Variants in SYNE2 observed in about 807,000 individuals in gnomAD.
SYNE2 encodes the protein nesprin-2.
Under a neutral mutation model 856.3 loss-of-function variants are expected in SYNE2, and 431 were observed. The ratio of observed to expected loss-of-function variants is 0.50; its 90% confidence interval spans 0.47 to 0.55. The LOEUF (loss-of-function observed/expected upper bound fraction) is 0.55, where lower values mean the gene tolerates loss of function less well. SYNE2 is among the 20% of genes least tolerant of loss of function. SYNE2 has a pLI of 0.00. For missense variants in SYNE2, 8,129 were observed against 8,023.2 expected (o/e 1.01, Z -0.50); for synonymous variants, 2,923 against 2,872.3 (o/e 1.02, Z -0.56).
chr14:64,014,928 CTTATATATATATAT>C (rs1307499762), intron 32 of SYNE2, among the ~76,000 whole-genome samples: 1 of 51,868 alleles, frequency 1.9e-5, no homozygotes, highest in East Asian at 6.0e-4. Flanking sequence ...TGTATAATTC[CTTATATATATATAT>C]ATATATATAT....
intron 11 of SYNE2, among the ~76,000 whole-genome samples, chr14:63,968,946 A>AT (rs1005927961): frequency 5.9e-5 from 9 of 151,952 alleles, no homozygotes; most frequent in Admixed American, 5.9e-4. Context: ...TGTTCTTTCT[A>AT]TTTTTTTGTA....
rs2097198733 is a variant in SYNE2 at position 64,048,034 on chromosome 14, T to C, written c.7256T>C (p.Leu2419Pro). 6.2e-7 allele frequency: 1 copy of C among 1,613,844 alleles called. No individual in the cohort carries two copies. Among genetic ancestry groups the C allele is most frequent in the Non-Finnish European group, 8.5e-7 (1 of 1,179,856 alleles). Reference protein sequence around the residue: ...SAVEMAMSKQLSLNAQESMKN... With the variant: ...SAVEMAMSKQPSLNAQESMKN... Reference sequence around the variant, plus strand: ...GTGGAAATGGCTATGTCAAAACAACTTTCTCTTAATGCTCAAGAAAGCATG... The same window carrying C: ...GTGGAAATGGCTATGTCAAAACAACCTTCTCTTAATGCTCAAGAAAGCATG... The change falls in exon 46 of 116, where the codon CTT becomes CCT. Residue 2419 changes from leucine (L) to proline (P), a missense_variant. Transcript: ENST00000555002.
At chr14:64,033,867 T>C (rs1263147079) in intron 45 of SYNE2, among the ~76,000 whole-genome samples, 1 of 152,184 alleles carries the variant, frequency 6.6e-6, no homozygotes, top group Admixed American at 6.5e-5. Context: ...TTTCATAAGT[T>C]TGGATACAGA....
intron 84 of SYNE2, among the ~76,000 whole-genome samples, chr14:64,151,309 A>G (rs1238962196): frequency 3.3e-5 from 5 of 151,902 alleles, no homozygotes; most frequent in African/African-American, 9.7e-5. Context: ...GGCTAGCACA[A>G]GGGAGCTTGT....
chr14:63,964,506 ATTTTATTTTTATTTTTAT>A (rs567876488), intron 10 of SYNE2, among the ~76,000 whole-genome samples: 9 of 151,954 alleles, frequency 5.9e-5, no homozygotes, highest in Admixed American at 2.0e-4. Flanking sequence ...CATGCTTTTT[ATTTTATTTTTATTTTTAT>A]TTTTATTTTT....
intron 34 of SYNE2, 74 bp downstream of exon 34, chr14:64,017,830 A>C: frequency 1.4e-6 from 2 of 1,452,002 alleles, no homozygotes; most frequent in Non-Finnish European, 9.6e-7. Flanking sequence ...AATATAGTCA[A>C]CAAACATTAG....
chr14:63,813,279 G>T (rs1005064042), intron 1 of SYNE2, among the ~76,000 whole-genome samples: 1 of 152,232 alleles, frequency 6.6e-6, no homozygotes, highest in African/African-American at 2.4e-5. Flanking sequence ...TGGCAGAAAT[G>T]AGAGTGAATG....
chr14:64,189,272 T>C (rs1293461008), intron 98 of SYNE2, among the ~76,000 whole-genome samples: 1 of 151,334 alleles, frequency 6.6e-6, no homozygotes, highest in East Asian at 1.9e-4. Context: ...AGGTGGAGGT[T>C]GCAGTGAGCC....
intron 63 of SYNE2, 184 bp downstream of exon 63, chr14:64,099,005 G>A (rs932819327): frequency 4.8e-6 from 3 of 624,832 alleles, no homozygotes; most frequent in Non-Finnish European, 8.5e-6. Context: ...CTACTTCACT[G>A]TGTAAGAGTG....
chr14:63,973,735 C>T (rs1476692891), intron 11 of SYNE2, among the ~76,000 whole-genome samples: 2 of 149,524 alleles, frequency 1.3e-5, no homozygotes. Flanking sequence ...AATGGAAAAA[C>T]TGTAACATCT....
intron 34 of SYNE2, among the ~76,000 whole-genome samples, chr14:64,018,265 A>G (rs112546906): frequency 0.035 from 5,351 of 152,108 alleles, 329 homozygotes; most frequent in African/African-American, 0.12. Flanking sequence ...TTTGAGGCAG[A>G]GTCTCGTTCT....
At chr14:64,048,896 G>A (rs1303134881) in intron 46 of SYNE2, 3 of 128,732 alleles carry the variant, frequency 2.3e-5, no homozygotes, top group South Asian at 5.5e-4. Flanking sequence ...ATGATGGAGC[G>A]AGATCCTGTC....
rs150468445 is a variant in SYNE2 at position 64,163,431 on chromosome 14, A to G, written c.16329A>G (p.Lys5443=). 1 of 1,614,054 alleles carries G rather than the reference A, an allele frequency of 6.2e-7. No individual in the cohort carries two copies. Among genetic ancestry groups the G allele is most frequent in the African/African-American group, 1.3e-5 (1 of 75,048 alleles). The change falls in exon 89 of 116, where the codon AAA becomes AAG. Residue 5443 remains lysine (K), a synonymous_variant. Coordinates refer to ENST00000555002, the MANE Select transcript of SYNE2 (RefSeq NM_182914.3). ...KELQHDVQKT[K]EAFLQNSSVL... ...TGCAGCATGATGTGCAGAAAACAAAAGAAGCCTTTCTCCAAAATTCCAGTG... is the reference window on the plus strand; with the variant it reads ...TGCAGCATGATGTGCAGAAAACAAAGGAAGCCTTTCTCCAAAATTCCAGTG...
At chr14:64,121,108 A>C (rs1045026586) in intron 68 of SYNE2, 47 bp downstream of exon 68, 2 of 1,612,150 alleles carry the variant, frequency 1.2e-6, no homozygotes, top group African/African-American at 2.7e-5. Flanking sequence ...ATAACTTTTT[A>C]ACCAGGCAAG....
chr14:64,177,563 T>C, intron 96 of SYNE2, 80 bp downstream of exon 96: 1 of 1,576,024 alleles, frequency 6.3e-7, no homozygotes, highest in South Asian at 1.1e-5. Context: ...TGCCTCTTTC[T>C]GTATTGAAAC....
intron 78 of SYNE2, among the ~76,000 whole-genome samples, chr14:64,136,037 C>A (rs2153685960): frequency 1.3e-5 from 2 of 152,202 alleles, no homozygotes; most frequent in South Asian, 4.1e-4. Context: ...TGCCTGTAAT[C>A]CTAGCACCTT....
chr14:63,825,454 G>GA (rs201662345), intron 1 of SYNE2, among the ~76,000 whole-genome samples: 2,090 of 151,988 alleles, frequency 0.014, 42 homozygotes, highest in African/African-American at 0.048. Flanking sequence ...TACTGTCAAT[G>GA]AAAAAAATCA....
chr14:63,920,061 CCATT>C (rs2095581415), intron 2 of SYNE2, among the ~76,000 whole-genome samples: 1 of 148,390 alleles, frequency 6.7e-6, no homozygotes, highest in South Asian at 2.1e-4. Flanking sequence ...TCTGAAAGCC[CCATT>C]CATTTATTTG....
At chr14:64,164,083 C>G (rs2098352993) in intron 89 of SYNE2, among the ~76,000 whole-genome samples, 1 of 129,834 alleles carries the variant, frequency 7.7e-6, no homozygotes, top group Non-Finnish European at 1.6e-5. Flanking sequence ...CCACGCCTGG[C>G]TTGCTTATTT....
Sources: allele counts gnomAD v4.1 joint callset (sites outside exome capture counted in the v4.1 genomes callset), GRCh38; gene constraint gnomAD v4.1.1; transcripts MANE v1.5; gene names NCBI Gene and HGNC (gene_info 2026-07-23, HGNC 2026-07-21).